The following HS6ST3 variants were observed in gnomAD, a reference collection of about 807,000 sequenced individuals.
HS6ST3 encodes the protein heparan-sulfate 6-O-sulfotransferase 3.
HS6ST3 carries 12 observed loss-of-function variants against 36.7 expected under a neutral mutation model. That is an observed-to-expected ratio of 0.33 (90% confidence interval 0.21 to 0.53). The LOEUF is 0.53. Ranked by LOEUF, HS6ST3 falls within the 20% of genes least tolerant of loss-of-function variation. The pLI is 0.95. For missense variants in HS6ST3, 584 were observed against 640.9 expected, an observed-to-expected ratio of 0.91 and a Z score of 0.96; for synonymous variants, 240 against 257.5, an observed-to-expected ratio of 0.93 and a Z score of 0.65.
chr13:96,690,281 T>G (rs1413236687), intron 1 of HS6ST3, among the ~76,000 whole-genome samples: 1 of 152,088 alleles, frequency 6.6e-6, no homozygotes, highest in Non-Finnish European at 1.5e-5. Context: ...ACTAGAACAT[T>G]TGGTTTGATT....
At chr13:96,464,773 A>G (rs1003593494) in intron 1 of HS6ST3, among the ~76,000 whole-genome samples, 1 of 152,128 alleles carries the variant, frequency 6.6e-6, no homozygotes, top group African/African-American at 2.4e-5. Context: ...TATGTGAATA[A>G]TGGTGCCATC....
chr13:96,750,857 AT>A (rs1876683909), intron 1 of HS6ST3, among the ~76,000 whole-genome samples: 1 of 152,206 alleles, frequency 6.6e-6, no homozygotes, highest in African/African-American at 2.4e-5. Flanking sequence ...TGTCAATAGC[AT>A]TTTAGTTTCA....
intron 1 of HS6ST3, among the ~76,000 whole-genome samples, chr13:96,335,004 T>C (rs2055092993): frequency 6.6e-6 from 1 of 152,222 alleles, no homozygotes; most frequent in African/African-American, 2.4e-5. Flanking sequence ...GAGAACTTAA[T>C]GAGCTTAGAA....
rs552558460 is a variant in HS6ST3 at position 96,736,657 on chromosome 13, C to A, written c.708-95833C>A. Among the ~76,000 whole-genome samples, 159 of 152,160 alleles carry A rather than the reference C, an allele frequency of 1.0e-3. 1 individual carries two copies. The highest frequency in any genetic ancestry group is 2.9e-3 in the African/African-American group (121 of 41,514). ...AGATATAGATATATCAGACTCTTTA[C>A]CCCCAAGAGAATAAGAACATTTGCA... On this transcript the variant is annotated intron_variant, in intron 1 of 1. Transcript: ENST00000376705.
chr13:96,490,954 T>A (rs1434247695), intron 1 of HS6ST3, among the ~76,000 whole-genome samples: 1 of 152,230 alleles, frequency 6.6e-6, no homozygotes, highest in African/African-American at 2.4e-5. Context: ...AAGAACCTTT[T>A]CTGCTGCCAT....
intron 1 of HS6ST3, among the ~76,000 whole-genome samples, chr13:96,206,118 C>T (rs145823658): frequency 0.068 from 10,298 of 152,236 alleles, 466 homozygotes; most frequent in Middle Eastern, 0.12. Flanking sequence ...AGCAAAGTCT[C>T]AGGATACAAA....
chr13:96,703,729 C>T (rs2138454780), intron 1 of HS6ST3, among the ~76,000 whole-genome samples: 1 of 152,224 alleles, frequency 6.6e-6, no homozygotes, highest in South Asian at 2.1e-4. Context: ...AGTCCTTACC[C>T]TCAAAATAGT....
chr13:96,779,942 A>G lies in HS6ST3; in HGVS notation c.708-52548A>G, dbSNP rs138393237. ...TGCTGTTAGTGGAATGTATTGCTGA[A>G]TGGCATGATTATTTTTAAAAGCCTT... On this transcript the variant is annotated intron_variant, in intron 1 of 1. Coordinates refer to ENST00000376705, the MANE Select transcript of HS6ST3 (RefSeq NM_153456.4). Among the ~76,000 whole-genome samples the G allele has an allele frequency of 3.3e-4, 50 of 152,290 alleles. 1 individual carries two copies. Among genetic ancestry groups the G allele is most frequent in the African/African-American group, 1.1e-3 (46 of 41,576 alleles).
rs1029425053 is a variant in HS6ST3 at position 96,438,067 on chromosome 13, C to G, written c.707+346498C>G. Among the ~76,000 whole-genome samples the G allele has an allele frequency of 5.3e-5, 8 of 152,168 alleles. No homozygotes were observed. The East Asian group carries it at 1.5e-3, about 29-fold the overall frequency. Reference sequence around the variant, plus strand: ...TGATGTCATGACTTCTTACTCTTTACAAATGTCAGCAACATTCATCTTTAA... The same window carrying G: ...TGATGTCATGACTTCTTACTCTTTAGAAATGTCAGCAACATTCATCTTTAA... On this transcript the variant is annotated intron_variant, in intron 1 of 1. Coordinates refer to ENST00000376705, the MANE Select transcript of HS6ST3 (RefSeq NM_153456.4).
At chr13:96,219,500 C>T (rs1024920426) in intron 1 of HS6ST3, among the ~76,000 whole-genome samples, 1 of 152,108 alleles carries the variant, frequency 6.6e-6, no homozygotes, top group African/African-American at 2.4e-5. Context: ...AGGCAGAACC[C>T]CATCTAAATA....
intron 1 of HS6ST3, among the ~76,000 whole-genome samples, chr13:96,108,272 C>A (rs1350576290): frequency 6.6e-6 from 1 of 152,122 alleles, no homozygotes; most frequent in African/African-American, 2.4e-5. Flanking sequence ...CTGTAGCGCC[C>A]CCAGGCTTGC....
chr13:96,444,958 C>A (rs765853427), intron 1 of HS6ST3, among the ~76,000 whole-genome samples: 1 of 151,996 alleles, frequency 6.6e-6, no homozygotes, highest in Non-Finnish European at 1.5e-5. Context: ...TTAGAGCATA[C>A]TATGCTCTTT....
At chr13:96,587,543 A>G (rs1409330155) in intron 1 of HS6ST3, among the ~76,000 whole-genome samples, 2 of 152,236 alleles carry the variant, frequency 1.3e-5, no homozygotes, top group African/African-American at 4.8e-5. Flanking sequence ...CATCATTACA[A>G]GATGGATGGC....
At chr13:96,539,270 A>T (rs1322494618) in intron 1 of HS6ST3, among the ~76,000 whole-genome samples, 1 of 152,160 alleles carries the variant, frequency 6.6e-6, no homozygotes, top group Non-Finnish European at 1.5e-5. Context: ...TGTAAACCTT[A>T]ATCTGAGCTC....
intron 1 of HS6ST3, among the ~76,000 whole-genome samples, chr13:96,485,632 G>T (rs951100410): frequency 1.3e-5 from 2 of 151,994 alleles, no homozygotes; most frequent in Non-Finnish European, 1.5e-5. Context: ...GTGGTGAGAG[G>T]GGACATGATT....
intron 1 of HS6ST3, among the ~76,000 whole-genome samples, chr13:96,513,948 G>T (rs1039009244): frequency 3.9e-5 from 6 of 152,008 alleles, no homozygotes; most frequent in African/African-American, 1.4e-4. Context: ...GTGTGAGGAA[G>T]AATAAGGAGT....
intron 1 of HS6ST3, among the ~76,000 whole-genome samples, chr13:96,178,506 T>A (rs2054223313): frequency 6.6e-6 from 1 of 151,962 alleles, no homozygotes; most frequent in African/African-American, 2.4e-5. Context: ...GCTGGTAAAT[T>A]TTTTGCAGTG....
intron 1 of HS6ST3, among the ~76,000 whole-genome samples, chr13:96,104,599 C>T (rs566899742): frequency 8.5e-5 from 13 of 152,236 alleles, no homozygotes; most frequent in Non-Finnish European, 1.5e-4. Flanking sequence ...CCCCTAACTA[C>T]TTGCTTTAGT....
Position 96,266,115 on chromosome 13 carries a change from C to T in HS6ST3, c.707+174546C>T, listed in dbSNP as rs9300340. ...AAGTATGGATGCAAGACGTTTTAGT[C>T]TAGTCTGAATTTACTGCCAATAATT... On this transcript the variant is annotated intron_variant, in intron 1 of 1. Transcript: ENST00000376705. 9.3e-3 allele frequency among the ~76,000 whole-genome samples: 1,409 copies of T among 152,230 alleles called. 12 individuals carry two copies. Among genetic ancestry groups the T allele is most frequent in the African/African-American group, 0.032 (1,316 of 41,536 alleles).
Sources: allele counts gnomAD v4.1 joint callset (sites outside exome capture counted in the v4.1 genomes callset), GRCh38; gene constraint gnomAD v4.1.1; transcripts MANE v1.5; gene names NCBI Gene and HGNC (gene_info 2026-07-23, HGNC 2026-07-21).